Variants in NR5A1 observed in about 807,000 individuals in gnomAD.
NR5A1 encodes the protein nuclear receptor subfamily 5 group A member 1.
Under a neutral mutation model 42.7 loss-of-function variants are expected in NR5A1, and 6 were observed. The ratio of observed to expected loss-of-function variants is 0.14; its 90% CI spans 0.08 to 0.28. The LOEUF (loss-of-function observed/expected upper bound fraction) is 0.28, where lower values mean the gene tolerates loss of function less well. Among genes scored for constraint, NR5A1 ranks in the 10% least tolerant of loss-of-function variants. The pLI is 1.00. For missense variants in NR5A1, 442 were observed against 626.4 expected, an observed-to-expected ratio of 0.71 and a Z score of 3.14; for synonymous variants, 274 against 277.5, an observed-to-expected ratio of 0.99 and a Z score of 0.12.
In NR5A1 at chr9:124,504,933, C is replaced by G. The variant is rs1832531982; in HGVS notation, c.-15-1523G>C. Among the ~76,000 whole-genome samples the G allele has an allele frequency of 4.7e-5, 7 of 148,852 alleles. No individual in the cohort carries two copies. The South Asian group carries it at 1.5e-3, about 31-fold the overall frequency. On this transcript the variant is annotated intron_variant, in intron 1 of 6. Transcript: ENST00000373588. ...CCCCGCACCGCCGCCGGGGCCGCTC[C>G]GAGGCGCACCTGGGACCCGGGCCCC...
At chr9:124,505,838 G>A (rs1475135155) in intron 1 of NR5A1, among the ~76,000 whole-genome samples, 1 of 152,176 alleles carries the variant, frequency 6.6e-6, no homozygotes, top group African/African-American at 2.4e-5. Context: ...CGGGCCTATG[G>A]GCCAAGCAGT....
chr9:124,495,932 C>A (rs1340843708), intron 4 of NR5A1, among the ~76,000 whole-genome samples: 1 of 152,220 alleles, frequency 6.6e-6, no homozygotes, highest in Non-Finnish European at 1.5e-5. Context: ...GGCCATGCAT[C>A]CTCCACCCTA....
rs1455500375 is a variant in NR5A1, at chr9:124,482,203, T to G, written c.*555A>C. The G allele has an allele frequency of 5.5e-6, 1 of 180,590 alleles. No individual in the cohort carries two copies. Among genetic ancestry groups the G allele is most frequent in the Non-Finnish European group, 1.2e-5 (1 of 84,780 alleles). The allele number at this position is 180,590 out of a possible 1,614,324, so 11.2% of individuals were successfully genotyped here. On this transcript the variant is annotated 3_prime_UTR_variant, in exon 7 of 7. Transcript: ENST00000373588. ...CTTTTTGTCCTAACCAGTCTCCTAG[T>G]GTCCTCTAGGGCCCAATAGCCCCTC...
At chr9:124,506,416 T>G (rs1214493523) in intron 1 of NR5A1, among the ~76,000 whole-genome samples, 1 of 151,316 alleles carries the variant, frequency 6.6e-6, no homozygotes, top group African/African-American at 2.4e-5. Context: ...GAGCTGGAGG[T>G]GGGGGTCACT....
chr9:124,499,797 G>C (rs987227355), intron 4 of NR5A1, among the ~76,000 whole-genome samples: 2 of 152,170 alleles, frequency 1.3e-5, no homozygotes, highest in South Asian at 4.1e-4. Context: ...AAGAAGCAGA[G>C]AGACAACATG....
intron 6 of NR5A1, 103 bp from the exon 7 acceptor site, chr9:124,483,108 A>T: frequency 6.3e-7 from 1 of 1,599,806 alleles, no homozygotes; most frequent in Admixed American, 1.7e-5. Context: ...CCCTATGACC[A>T]TCAAAGACAT....
rs1208202820 is a variant in NR5A1, at chr9:124,498,945, T to A, written c.870+1145A>T. On this transcript the variant is annotated intron_variant, in intron 4 of 6. Coordinates refer to ENST00000373588, the MANE Select transcript of NR5A1 (RefSeq NM_004959.5). The surrounding 1 kb of genome is among the most constrained non-coding windows in gnomAD (Gnocchi z 4.6). ...CAGGGCAGGCAGTGCCCCCAGCCCATCCGGCCTCATGCCCCTGGAGGAAGC... is the reference window on the plus strand; with the variant it reads ...CAGGGCAGGCAGTGCCCCCAGCCCAACCGGCCTCATGCCCCTGGAGGAAGC... 6.6e-6 allele frequency among the ~76,000 whole-genome samples: 1 copy of A among 151,652 alleles called. No individual in the cohort carries two copies. The highest frequency in any genetic ancestry group is 2.0e-4 in the East Asian group (1 of 5,116).
intron 6 of NR5A1, among the ~76,000 whole-genome samples, chr9:124,486,025 G>C (rs777746798): frequency 5.3e-5 from 8 of 152,170 alleles, no homozygotes; most frequent in Non-Finnish European, 1.2e-4. Context: ...GGGGCGGGAG[G>C]GGGCTGGGGA....
At position 124,500,569 on chromosome 9, in the gene NR5A1, G is replaced by A; in HGVS notation, c.391C>T (p.Pro131Ser). 3.7e-6 allele frequency: 6 copies of A among 1,611,748 alleles called. 1 individual carries two copies. The South Asian group carries it at 4.4e-5, about 12-fold the overall frequency. ...ACGTAGTCCGGTGCGGGAGGGGGCG[G>A]CGGGGGCACCCCCATCGGGGGCCCT... ...ETGPPMGVPP[P>S]PPPAPDYVLP... is the part of the protein sequence containing the mutation. Residue 131 changes from proline to serine, a missense_variant, in exon 4 of 7, where the codon CCG becomes TCG. Around this residue, in one of 3 missense-constraint regions of NR5A1, gnomAD observed 208 missense variants for 203.8 expected, o/e 1.02. Coordinates refer to ENST00000373588, the MANE Select transcript of NR5A1 (RefSeq NM_004959.5). The surrounding 1 kb of genome is among the most constrained non-coding windows in gnomAD (Gnocchi z 6.9).
At chr9:124,502,868 C>T (rs1028055040) in intron 3 of NR5A1, among the ~76,000 whole-genome samples, 3 of 152,180 alleles carry the variant, frequency 2.0e-5, no homozygotes, top group Admixed American at 1.3e-4. Flanking sequence ...TACTTCTCAG[C>T]CCAACCCAGG....
At chr9:124,495,057 A>T (rs1185690766) in intron 4 of NR5A1, among the ~76,000 whole-genome samples, 1 of 151,992 alleles carries the variant, frequency 6.6e-6, no homozygotes, top group African/African-American at 2.4e-5. Flanking sequence ...ACACAGACAG[A>T]CCTCCGGGCC....
At chr9:124,484,802 G>C (rs1292280312) in intron 6 of NR5A1, among the ~76,000 whole-genome samples, 1 of 152,010 alleles carries the variant, frequency 6.6e-6, no homozygotes, top group East Asian at 1.9e-4. Context: ...ACACAAAGCA[G>C]ACGTGCCATG....
chr9:124,504,782 C>T (rs1394490360), intron 1 of NR5A1, among the ~76,000 whole-genome samples: 12 of 146,332 alleles, frequency 8.2e-5, no homozygotes. Flanking sequence ...CCGGGCGCAG[C>T]GCCGCCCGCC....
At position 124,503,387 on chromosome 9, in the gene NR5A1, A is replaced by G; in HGVS notation, c.9T>C (p.Tyr3=). The G allele has an allele frequency of 6.2e-7, 1 of 1,609,804 alleles. No homozygotes were observed. The highest frequency in any genetic ancestry group is 1.3e-5 in the African/African-American group (1 of 75,002). ...GCTCGTCCAGGTCCTCGTCGTACGA[A>G]TAGTCCATGCCCGCGGCGTCCGCCT... is the stretch of plus-strand genomic sequence containing the variant. MD[Y]SYDEDLDELC... is the part of the protein sequence containing the mutation. The change falls in exon 2 of 7, where the codon TAT becomes TAC. Residue 3 remains tyrosine, a synonymous_variant. Transcript: ENST00000373588. The surrounding 1 kb of genome is among the most constrained non-coding windows in gnomAD (Gnocchi z 9.6).
chr9:124,485,774 A>G (rs1354852325), intron 6 of NR5A1, among the ~76,000 whole-genome samples: 1 of 152,200 alleles, frequency 6.6e-6, no homozygotes, highest in Non-Finnish European at 1.5e-5. Context: ...TGCCCCAGAC[A>G]TATTCAAAGG....
In NR5A1 at chr9:124,482,983, G is replaced by A. The variant is rs1429645523; in HGVS notation, c.1161C>T (p.His387=). The A allele has an allele frequency of 2.5e-6, 4 of 1,614,146 alleles. No individual in the cohort carries two copies. The highest frequency in any genetic ancestry group is 1.7e-5 in the Admixed American group (1 of 60,030). ...FSLDLKFLNN[H]ILVKDAQEKA... is the part of the protein sequence containing the mutation. ...TCTCCTGAGCGTCTTTCACCAGGATGTGGTTATTCAGGAACTTCAAATCTG... is the reference window on the plus strand; with the variant it reads ...TCTCCTGAGCGTCTTTCACCAGGATATGGTTATTCAGGAACTTCAAATCTG... The change falls in exon 7 of 7, where the codon CAC becomes CAT. Residue 387 remains histidine (H), a synonymous_variant. Coordinates refer to ENST00000373588, the MANE Select transcript of NR5A1 (RefSeq NM_004959.5).
intron 3 of NR5A1, among the ~76,000 whole-genome samples, chr9:124,502,045 G>A (rs897641699): frequency 7.2e-5 from 11 of 152,274 alleles, no homozygotes; most frequent in African/African-American, 2.6e-4. Flanking sequence ...AGAACATGAC[G>A]GGAAGGAATC....
At position 124,491,015 on chromosome 9, in the gene NR5A1, T is replaced by TCTGCCCC; in HGVS notation, c.1138+65_1138+66insGGGGCAG. 24 of 634,816 alleles carry TCTGCCCC rather than the reference T, an allele frequency of 3.8e-5. 1 individual carries two copies. Among genetic ancestry groups the TCTGCCCC allele is most frequent in the Non-Finnish European group, 5.2e-5 (19 of 363,624 alleles). 39.3% of individuals were successfully genotyped at this position (634,816 alleles called of 1,614,324 possible). On this transcript the variant is annotated intron_variant, in intron 6 of 6. Coordinates refer to ENST00000373588, the MANE Select transcript of NR5A1 (RefSeq NM_004959.5). Reference sequence around the variant, plus strand: ...CCACAGCAGGGCTACCTCTCCAGCCTCACCCACCCTCCCACCCACCCGCCT... The same window carrying TCTGCCCC: ...CCACAGCAGGGCTACCTCTCCAGCCTCTGCCCCCACCCACCCTCCCACCCACCCGCCT...
In NR5A1 at chr9:124,496,278, C is replaced by G. The variant is rs1014842438; in HGVS notation, c.871-3129G>C. 5.9e-5 allele frequency among the ~76,000 whole-genome samples: 9 copies of G among 152,148 alleles called. No homozygotes were observed. Among genetic ancestry groups the G allele is most frequent in the Admixed American group, 1.3e-4 (2 of 15,280 alleles). Reference sequence around the variant, plus strand: ...CCCCCCTGCATGAGAAAGCAGGTGGCTAAGAGGTTCCTTTAACCAGAGAGG... The same window carrying G: ...CCCCCCTGCATGAGAAAGCAGGTGGGTAAGAGGTTCCTTTAACCAGAGAGG... On this transcript the variant is annotated intron_variant, in intron 4 of 6. Coordinates refer to ENST00000373588, the MANE Select transcript of NR5A1 (RefSeq NM_004959.5). The surrounding 1 kb of genome is among the most constrained non-coding windows in gnomAD (Gnocchi z 5.0).
Sources: allele counts gnomAD v4.1 joint callset (sites outside exome capture counted in the v4.1 genomes callset), GRCh38; gene constraint gnomAD v4.1.1; regional missense constraint gnomAD v4.1.1; non-coding constraint Gnocchi (gnomAD v3.1); transcripts MANE v1.5; gene names NCBI Gene and HGNC (gene_info 2026-07-23, HGNC 2026-07-21).